CCDC3: variants seen among roughly 807,000 people sequenced by gnomAD.
The protein encoded by CCDC3 is coiled-coil domain containing 3, also known as coiled-coil domain-containing protein 3.
Under a neutral mutation model 21.4 loss-of-function variants are expected in CCDC3, and 24 were observed. That is an observed-to-expected ratio of 1.12 (90% confidence interval 0.81 to 1.58). The LOEUF is 1.58. Among genes scored for constraint, CCDC3 ranks in the 40% most tolerant of loss-of-function variants. The pLI is 0.00. For missense variants in CCDC3, 425 were observed against 360.9 expected (o/e 1.18, Z -1.44); for synonymous variants, 186 against 166.0 (o/e 1.12, Z -0.93).
In CCDC3 at chr10:13,098,598, T is replaced by C. The variant is rs550006396; in HGVS notation, c.-576A>G. 5 of 152,328 alleles carry C rather than the reference T, an allele frequency of 3.3e-5. No homozygotes were observed. The East Asian group carries it at 7.7e-4, about 24-fold the overall frequency. The allele number at this position is 152,328 out of a possible 1,614,324, so 9.4% of individuals were successfully genotyped here. A position where few individuals can be genotyped will look rare whatever the true frequency, so the allele number is the denominator to read the frequency against. Reference sequence around the variant, plus strand: ...AGGGTACAGCTGTGACACCGTCTTTTCTGCCTGGATTATCCCAGTAGATAA... The same window carrying C: ...AGGGTACAGCTGTGACACCGTCTTTCCTGCCTGGATTATCCCAGTAGATAA... On this transcript the variant is annotated 5_prime_UTR_variant, in exon 3 of 7. Transcript: ENST00000378839.
chr10:13,033,343 A>C (rs1417446653), intron 5 of CCDC3, among the ~76,000 whole-genome samples: 1 of 152,248 alleles, frequency 6.6e-6, no homozygotes, highest in African/African-American at 2.4e-5. Context: ...AATTAATTCA[A>C]GATGGATTAA....
chr10:13,048,776 T>A (rs555047385), intron 5 of CCDC3, among the ~76,000 whole-genome samples: 127 of 144,624 alleles, frequency 8.8e-4, no homozygotes, highest in Non-Finnish European at 1.8e-3. Flanking sequence ...TGAGAAGGGA[T>A]TAAAATTAGA....
intron 4 of CCDC3, among the ~76,000 whole-genome samples, chr10:13,063,672 C>T (rs979413660): frequency 3.9e-5 from 6 of 152,100 alleles, no homozygotes; most frequent in African/African-American, 1.4e-4. Context: ...CCAGATGTAC[C>T]ACCTCTCTAC....
chr10:13,036,185 C>G (rs1474652598), intron 5 of CCDC3, among the ~76,000 whole-genome samples: 1 of 151,914 alleles, frequency 6.6e-6, no homozygotes, highest in Non-Finnish European at 1.5e-5. Context: ...TGGCTGCCCA[C>G]CAGGATGAAG....
At chr10:13,033,315 C>T (rs1421513772) in intron 5 of CCDC3, among the ~76,000 whole-genome samples, 1 of 152,194 alleles carries the variant, frequency 6.6e-6, no homozygotes, top group African/African-American at 2.4e-5. Flanking sequence ...TGGATCCCTT[C>T]CTTATACCTT....
chr10:12,914,003 T>C (rs1277812764), intron 2 of CCDC3, among the ~76,000 whole-genome samples: 1 of 152,234 alleles, frequency 6.6e-6, no homozygotes, highest in Non-Finnish European at 1.5e-5. Context: ...TCTTGAGAAC[T>C]TTTGCATCTA....
chr10:12,994,118 T>A (rs1458168718), intron 2 of CCDC3, among the ~76,000 whole-genome samples: 1 of 151,804 alleles, frequency 6.6e-6, no homozygotes, highest in Non-Finnish European at 1.5e-5. Context: ...CATCTAGAGG[T>A]GGGGCATGGT....
At chr10:13,004,488 G>A (rs1198019519), upstream of CCDC3, among the ~76,000 whole-genome samples, 2 of 152,052 alleles carry the variant, frequency 1.3e-5, no homozygotes, top group Non-Finnish European at 2.9e-5. Context: ...GGTGCTACTG[G>A]CAGAAGCATT....
intron 5 of CCDC3, among the ~76,000 whole-genome samples, chr10:13,022,714 A>G (rs1386721703): frequency 2.0e-5 from 3 of 152,194 alleles, no homozygotes; most frequent in Non-Finnish European, 2.9e-5. Context: ...AAAACTGACC[A>G]TTTATCAAAT....
Position 12,998,397 on chromosome 10 carries a change from A to G in CCDC3, c.490T>C (p.Ser164Pro). 2 of 1,614,178 alleles carry G rather than the reference A, an allele frequency of 1.2e-6. No homozygotes were observed. Among genetic ancestry groups the G allele is most frequent in the Non-Finnish European group, 1.7e-6 (2 of 1,180,040 alleles). Reference protein sequence around the residue: ...FSSLFQFSNCSQGQQLATFSS... With the variant: ...FSSLFQFSNCPQGQQLATFSS... ...AAAGTCGCCAGCTGCTGCCCTTGCG[A>G]ACAGTTTGAAAACTGGAAAAGGCTA... Residue 164 changes from serine to proline, a missense_variant, in exon 2 of 3, where the codon TCG (serine) becomes CCG (proline). Coordinates refer to ENST00000378825, the MANE Select transcript of CCDC3 (RefSeq NM_031455.4).
At chr10:12,923,702 G>A (rs895813869) in intron 2 of CCDC3, among the ~76,000 whole-genome samples, 12 of 152,148 alleles carry the variant, frequency 7.9e-5, no homozygotes, top group Admixed American at 2.0e-4. Context: ...AATGAGTTCC[G>A]TGAAGGCAGC....
At position 12,898,471 on chromosome 10, in the gene CCDC3, G is replaced by A. The variant is rs368910799; in HGVS notation, c.758C>T (p.Ala253Val). 2.7e-5 allele frequency: 44 copies of A among 1,612,860 alleles called. No homozygotes were observed. Among genetic ancestry groups the A allele is most frequent in the African/African-American group, 9.3e-5 (7 of 74,922 alleles). Residue 253 changes from alanine to valine, a missense_variant, in exon 3 of 3, where the codon GCG becomes GTG. Transcript: ENST00000378825. ...QKLSEKLAAG[A>V]LPHINARGPV... is the part of the protein sequence containing the mutation. ...CCCCCGGGCATTGATGTGCGGCAGC[G>A]CGCCCGCCGCCAGCTTCTCACTGAG... is the stretch of plus-strand genomic sequence containing the variant.
chr10:12,907,232 A>G (rs1298815768), intron 2 of CCDC3, among the ~76,000 whole-genome samples: 2 of 152,216 alleles, frequency 1.3e-5, no homozygotes, highest in Non-Finnish European at 2.9e-5. Flanking sequence ...TGCAGGTTGA[A>G]ATAGAAGCAA....
intron 4 of CCDC3, among the ~76,000 whole-genome samples, chr10:13,071,355 T>A (rs752816176): frequency 2.0e-5 from 3 of 152,146 alleles, no homozygotes; most frequent in Admixed American, 6.5e-5. Context: ...CTCAAAGCCC[T>A]AGGAAAGAAA....
At chr10:12,995,499 C>T (rs1166719889) in intron 2 of CCDC3, among the ~76,000 whole-genome samples, 2 of 152,222 alleles carry the variant, frequency 1.3e-5, no homozygotes, top group African/African-American at 2.4e-5. Context: ...ACCTCGGCCT[C>T]CCAATGTGCT....
rs189199174 is a variant in CCDC3 at position 13,071,156 on chromosome 10, C to A, written c.-270+2712G>T. On this transcript the variant is annotated intron_variant, in intron 4 of 6. Coordinates refer to the CCDC3 transcript ENST00000378839. ...GAGCTAACCAAAGCCAAGCCCCATG[C>A]GTCCAAATCTTAGCAAGCATAACTA... Among the ~76,000 whole-genome samples, 387 of 152,232 alleles carry A rather than the reference C, an allele frequency of 2.5e-3. 6 individuals are homozygous for A. The highest frequency in any genetic ancestry group is 8.9e-3 in the African/African-American group (370 of 41,542).
intron 2 of CCDC3, among the ~76,000 whole-genome samples, chr10:12,969,637 A>G (rs1419410250): frequency 1.3e-5 from 2 of 150,686 alleles, no homozygotes; most frequent in East Asian, 1.9e-4. Flanking sequence ...GTTTTTTTAT[A>G]TAATATATAT....
chr10:13,026,978 A>T (rs1200080796), intron 5 of CCDC3, among the ~76,000 whole-genome samples: 1 of 152,126 alleles, frequency 6.6e-6, no homozygotes, highest in African/African-American at 2.4e-5. Flanking sequence ...TTCCTTTCAC[A>T]TATCTTCATA....
intron 2 of CCDC3, among the ~76,000 whole-genome samples, chr10:12,987,189 T>G (rs370475816): frequency 1.3e-5 from 2 of 152,186 alleles, no homozygotes; most frequent in South Asian, 2.1e-4. Flanking sequence ...ATCCTCCCAT[T>G]TCCTGTGGCC....
Sources: gnomAD v4.1 joint callset for allele counts (sites outside exome capture counted in the v4.1 genomes callset) on GRCh38, gnomAD v4.1.1 for gene constraint, MANE v1.5 for transcripts, NCBI Gene and HGNC (gene_info 2026-07-23, HGNC 2026-07-21) for gene names.